The following DPY19L3 variants were observed in gnomAD, a reference collection of about 807,000 sequenced individuals.
DPY19L3 encodes protein C-mannosyl-transferase DPY19L3.
Under a neutral mutation model 92.3 loss-of-function variants are expected in DPY19L3, and 51 were observed. The observed-to-expected ratio is 0.55, with a 90% confidence interval of 0.44 to 0.70. The LOEUF is 0.70. Among genes scored for constraint, DPY19L3 ranks in the 30% least tolerant of loss-of-function variants. The probability of loss-of-function intolerance (pLI) is 0.00; values close to 1 mark genes in which losing one functional copy is unlikely to be tolerated. For missense variants in DPY19L3, 706 were observed against 855.9 expected (o/e 0.82, Z 2.18); for synonymous variants, 309 against 315.2 (o/e 0.98, Z 0.21).
At chr19:32,436,637 A>G in intron 5 of DPY19L3, 70 bp downstream of exon 5, 1 of 1,275,400 alleles carries the variant, frequency 7.8e-7, no homozygotes, top group Non-Finnish European at 1.0e-6. Flanking sequence ...ACTGAAAGTT[A>G]TCACATCGTT....
In DPY19L3 at chr19:32,484,142, G is replaced by A. The variant is rs1355893907; in HGVS notation, c.*1902G>A. The A allele has an allele frequency of 6.6e-6, 1 of 152,172 alleles. No individual in the cohort carries two copies. The highest frequency in any genetic ancestry group is 1.5e-5 in the Non-Finnish European group (1 of 67,956). 9.4% of individuals were successfully genotyped at this position (152,172 alleles called of 1,614,324 possible). ...AGTGATTTTTTTTTTCATAGTTTAG[G>A]TGTCATTGTTGCCAGCACCTTTAGT... On this transcript the variant is annotated 3_prime_UTR_variant, in exon 19 of 19. Transcript: ENST00000392250.
intron 16 of DPY19L3, among the ~76,000 whole-genome samples, chr19:32,477,072 T>G (rs10422626): frequency 0.014 from 2,192 of 152,246 alleles, 53 homozygotes; most frequent in African/African-American, 0.05. Context: ...TGGCAGTCTT[T>G]TAGGTTATTT....
rs982715912 is a variant in DPY19L3, at chr19:32,483,753, A to C, written c.*1513A>C. On this transcript the variant is annotated 3_prime_UTR_variant, in exon 19 of 19. Coordinates refer to ENST00000392250, the MANE Select transcript of DPY19L3 (RefSeq NM_001172774.2). The stretch of plus-strand genomic sequence containing the variant: ...ATTATGCAACTGAAACTCCTGAATT[A>C]TATCTTTTCTGTATCCCTTAATAAG... 1 of 152,262 alleles carries C rather than the reference A, an allele frequency of 6.6e-6. No individual in the cohort carries two copies. Among genetic ancestry groups the C allele is most frequent in the African/African-American group, 2.4e-5 (1 of 41,430 alleles). 9.4% of individuals were successfully genotyped at this position (152,262 alleles called of 1,614,324 possible). A position where few individuals can be genotyped will look rare whatever the true frequency, so the allele number is the denominator to read the frequency against.
intron 3 of DPY19L3, among the ~76,000 whole-genome samples, chr19:32,417,283 G>T (rs929433175): frequency 1.3e-5 from 2 of 152,184 alleles, no homozygotes; most frequent in African/African-American, 4.8e-5. Flanking sequence ...TTCCTGTGCT[G>T]TTCTCATGAT....
chr19:32,411,022 T>G (rs1246772034), intron 2 of DPY19L3, among the ~76,000 whole-genome samples: 1 of 152,184 alleles, frequency 6.6e-6, no homozygotes, highest in Non-Finnish European at 1.5e-5. Flanking sequence ...CACGTTGTAG[T>G]TGGCAGAATG....
rs143951645 is a variant in DPY19L3, at chr19:32,477,058, G to A, written c.1698-464G>A. Among the ~76,000 whole-genome samples, 17 of 152,244 alleles carry A rather than the reference G, an allele frequency of 1.1e-4. 1 individual carries two copies. The highest frequency in any genetic ancestry group is 4.1e-4 in the African/African-American group (17 of 41,548). On this transcript the variant is annotated intron_variant, in intron 16 of 18. Transcript: ENST00000392250. ...TCTTTTGTTAAGTTCAATACGCAAA[G>A]CAGTGGCAGTCTTTTAGGTTATTTT...
chr19:32,441,824 A>G (rs553686804), intron 8 of DPY19L3, among the ~76,000 whole-genome samples: 11 of 152,290 alleles, frequency 7.2e-5, no homozygotes, highest in Non-Finnish European at 1.3e-4. Flanking sequence ...TAAAATTAGA[A>G]AGCAAAGGTA....
At chr19:32,482,049 A>T in intron 18 of DPY19L3, 30 bp from the exon 19 acceptor site, 1 of 1,600,164 alleles carries the variant, frequency 6.2e-7, no homozygotes, top group African/African-American at 1.3e-5. Context: ...TTTTCCCCCC[A>T]AATTGTATTT....
Position 32,408,368 on chromosome 19 carries a change from A to G in DPY19L3, c.103+12A>G, listed in dbSNP as rs747231646. On this transcript the variant is annotated intron_variant, in intron 2 of 18. Transcript: ENST00000392250. Reference sequence around the variant, plus strand: ...TAAATTGCCATCTGGTAGGTGATTTAAACTAAAGCAGCAATTTGGGTTGCT... The same window carrying G: ...TAAATTGCCATCTGGTAGGTGATTTGAACTAAAGCAGCAATTTGGGTTGCT... 3.1e-6 allele frequency: 5 copies of G among 1,595,856 alleles called. No homozygotes were observed. The Admixed American group carries it at 8.5e-5, about 27-fold the overall frequency.
At position 32,482,352 on chromosome 19, in the gene DPY19L3, A is replaced by G. The variant is rs916616822; in HGVS notation, c.*112A>G. Reference sequence around the variant, plus strand: ...GTAGCCCAAACCTTCAAGCTGTGATATGAGTAAGTTCTACAGATGTTTACA... The same window carrying G: ...GTAGCCCAAACCTTCAAGCTGTGATGTGAGTAAGTTCTACAGATGTTTACA... On this transcript the variant is annotated 3_prime_UTR_variant, in exon 19 of 19. Transcript: ENST00000392250. 4.0e-5 allele frequency: 49 copies of G among 1,238,202 alleles called. No individual in the cohort carries two copies. The African/African-American group carries it at 7.1e-4, about 18-fold the overall frequency. 76.7% of individuals were successfully genotyped at this position (1,238,202 alleles called of 1,614,324 possible).
intron 8 of DPY19L3, among the ~76,000 whole-genome samples, chr19:32,446,540 G>A (rs117432447): frequency 1.3e-5 from 2 of 152,104 alleles, no homozygotes; most frequent in Non-Finnish European, 2.9e-5. Flanking sequence ...CAACATGCAA[G>A]TATCAATCAA....
chr19:32,435,325 T>G (rs991285140), intron 4 of DPY19L3, among the ~76,000 whole-genome samples: 1 of 152,228 alleles, frequency 6.6e-6, no homozygotes, highest in African/African-American at 2.4e-5. Flanking sequence ...CATACAAATT[T>G]GTGGGGGACA....
At chr19:32,450,323 C>T (rs1969658962) in intron 8 of DPY19L3, among the ~76,000 whole-genome samples, 1 of 152,130 alleles carries the variant, frequency 6.6e-6, no homozygotes, top group African/African-American at 2.4e-5. Flanking sequence ...AACAGCATTT[C>T]CTCAGCATTT....
chr19:32,411,358 T>C lies in DPY19L3; in HGVS notation c.223T>C (p.Phe75Leu). Residue 75 changes from phenylalanine (F) to leucine (L), a missense_variant, in exon 3 of 19, where the codon TTT becomes CTT. Physicochemically the swap from Phe to Leu is conservative, Grantham distance 22. Transcript: ENST00000392250. ...LATLHENDLW[F>L]SNIKEVEREI... ...CACGTTACATGAAAATGATTTATGG[T>C]TTTCTAATATTAAGGTATGGAGTTT... 1 of 1,614,140 alleles carries C rather than the reference T, an allele frequency of 6.2e-7. No individual in the cohort carries two copies. Among genetic ancestry groups the C allele is most frequent in the Non-Finnish European group, 8.5e-7 (1 of 1,180,028 alleles).
chr19:32,415,936 TA>T (rs908061073), intron 3 of DPY19L3, among the ~76,000 whole-genome samples: 39 of 152,208 alleles, frequency 2.6e-4, no homozygotes, highest in African/African-American at 8.9e-4. Flanking sequence ...TGAGGACATG[TA>T]AACCAAAACC....
At chr19:32,407,853 G>A (rs1300757081) in intron 1 of DPY19L3, among the ~76,000 whole-genome samples, 1 of 152,196 alleles carries the variant, frequency 6.6e-6, no homozygotes, top group Non-Finnish European at 1.5e-5. Context: ...AGCACTTTGG[G>A]AGTCCAAGGC....
At chr19:32,468,531 A>G (rs1282124392) in intron 15 of DPY19L3, 200 bp from the exon 16 acceptor site, 1 of 1,229,656 alleles carries the variant, frequency 8.1e-7, no homozygotes, top group Non-Finnish European at 1.0e-6. Context: ...TCAGCTGAAG[A>G]TAATTTCAGA....
intron 10 of DPY19L3, 87 bp from the exon 11 acceptor site, chr19:32,458,013 C>A: frequency 1.0e-6 from 1 of 989,538 alleles, no homozygotes; most frequent in Non-Finnish European, 1.5e-6. Flanking sequence ...TGAAATTGGA[C>A]ACTGAATATG....
intron 16 of DPY19L3, 32 bp from the exon 17 acceptor site, chr19:32,477,490 G>T: frequency 6.2e-7 from 1 of 1,613,588 alleles, no homozygotes; most frequent in East Asian, 2.2e-5. Context: ...TCTCTTAACA[G>T]TGGGGTTAAT....
Sources: gnomAD v4.1 joint callset for allele counts (sites outside exome capture counted in the v4.1 genomes callset) on GRCh38, gnomAD v4.1.1 for gene constraint, MANE v1.5 for transcripts, NCBI Gene and HGNC (gene_info 2026-07-23, HGNC 2026-07-21) for gene names.